The following CCDC170 variants were observed in gnomAD, a reference collection of about 807,000 sequenced individuals.
CCDC170 encodes the protein coiled-coil domain containing 170, also known as coiled-coil domain-containing protein 170.
A neutral mutation model predicts 72.6 loss-of-function variants in CCDC170; 69 were observed. That is an observed-to-expected ratio of 0.95 (90% CI 0.78 to 1.16). The LOEUF is 1.16. Ranked by LOEUF, CCDC170 falls within the 50% of genes most tolerant of loss-of-function variation. The pLI is 0.00. For missense variants in CCDC170, 852 were observed against 832.5 expected, an observed-to-expected ratio of 1.02 and a Z score of -0.29; for synonymous variants, 300 against 303.9, an observed-to-expected ratio of 0.99 and a Z score of 0.13.
intron 1 of CCDC170, among the ~76,000 whole-genome samples, chr6:151,532,220 T>C (rs1396003580): frequency 6.6e-6 from 1 of 152,116 alleles, no homozygotes. Context: ...ATTTAATATA[T>C]AGGAATAAGT....
chr6:151,595,940 A>G (rs1273730455), intron 8 of CCDC170, among the ~76,000 whole-genome samples: 1 of 152,208 alleles, frequency 6.6e-6, no homozygotes, highest in Non-Finnish European at 1.5e-5. Flanking sequence ...ATTTCAGAAA[A>G]TGCCAGTGCA....
chr6:151,583,395 A>T lies in CCDC170; in HGVS notation c.1093-2494A>T, dbSNP rs749881404. Among the ~76,000 whole-genome samples, 72 of 152,256 alleles carry T rather than the reference A, an allele frequency of 4.7e-4. 1 individual carries two copies. The highest frequency in any genetic ancestry group is 4.1e-4 in the South Asian group (2 of 4,830). ...TTTTTGGCCGATCTCAGATTTCAAC[A>T]TGCCTTTCTTACTAAGCTTAGTCAT... On this transcript the variant is annotated intron_variant, in intron 6 of 10. Transcript: ENST00000239374.
At chr6:151,502,644 T>G (rs895435436) in intron 1 of CCDC170, among the ~76,000 whole-genome samples, 1 of 152,194 alleles carries the variant, frequency 6.6e-6, no homozygotes, top group Non-Finnish European at 1.5e-5. Flanking sequence ...ATTGTTGAAA[T>G]CTTATGAATG....
At chr6:151,584,165 G>A (rs1008167520) in intron 6 of CCDC170, among the ~76,000 whole-genome samples, 5 of 152,196 alleles carry the variant, frequency 3.3e-5, no homozygotes, top group East Asian at 3.8e-4. Context: ...AAATATCTGC[G>A]AAGAGCAATA....
At chr6:151,500,654 T>G (rs2115017751) in intron 1 of CCDC170, among the ~76,000 whole-genome samples, 1 of 152,164 alleles carries the variant, frequency 6.6e-6, no homozygotes, top group East Asian at 1.9e-4. Context: ...GCAAAATACT[T>G]TAACACAAGA....
At chr6:151,548,715 T>TTTTA (rs1188089401) in intron 5 of CCDC170, among the ~76,000 whole-genome samples, 1 of 89,556 alleles carries the variant, frequency 1.1e-5, no homozygotes, top group Non-Finnish European at 2.8e-5. Context: ...TTAATTTAAA[T>TTTTA]TTTAATTAAT....
At chr6:151,537,562 T>A (rs1583015610) in intron 2 of CCDC170, among the ~76,000 whole-genome samples, 1 of 152,220 alleles carries the variant, frequency 6.6e-6, no homozygotes, top group East Asian at 1.9e-4. Context: ...AATTTAAATG[T>A]TATTTTTATT....
intron 1 of CCDC170, among the ~76,000 whole-genome samples, chr6:151,519,384 GGTT>G (rs1782285340): frequency 6.6e-6 from 1 of 152,146 alleles, no homozygotes; most frequent in Non-Finnish European, 1.5e-5. Context: ...CAGACCCTAT[GGTT>G]GTCTTCCCTT....
intron 9 of CCDC170, among the ~76,000 whole-genome samples, chr6:151,598,963 A>T (rs1399997270): frequency 6.6e-6 from 1 of 152,196 alleles, no homozygotes; most frequent in Non-Finnish European, 1.5e-5. Context: ...TTTGCTTATA[A>T]GGATACAGGA....
chr6:151,551,382 T>C (rs1782876233), intron 5 of CCDC170, among the ~76,000 whole-genome samples: 1 of 152,190 alleles, frequency 6.6e-6, no homozygotes, highest in African/African-American at 2.4e-5. Context: ...GGATACCATC[T>C]GTGGTGGTTT....
chr6:151,607,203 T>A (rs183832910), intron 9 of CCDC170, among the ~76,000 whole-genome samples: 1 of 152,232 alleles, frequency 6.6e-6, no homozygotes, highest in Admixed American at 6.5e-5. Flanking sequence ...TAAGTGTGGG[T>A]CTACGGGGGT....
intron 5 of CCDC170, among the ~76,000 whole-genome samples, chr6:151,565,239 G>A (rs904407504): frequency 3.9e-5 from 6 of 152,162 alleles, no homozygotes; most frequent in African/African-American, 1.4e-4. Context: ...TCTGGTGGAG[G>A]CTGGCTCTCA....
intron 9 of CCDC170, among the ~76,000 whole-genome samples, chr6:151,613,709 G>T (rs576038059): frequency 4.6e-5 from 7 of 152,242 alleles, no homozygotes; most frequent in Admixed American, 3.9e-4. Flanking sequence ...TCCATTGTAT[G>T]GCTATACCAC....
intron 1 of CCDC170, among the ~76,000 whole-genome samples, chr6:151,505,064 A>C (rs925665058): frequency 5.3e-5 from 8 of 152,098 alleles, no homozygotes; most frequent in African/African-American, 1.9e-4. Context: ...TCAGGTAGAG[A>C]GTAAAAAGTG....
At chr6:151,577,721 G>A (rs955329309) in intron 6 of CCDC170, among the ~76,000 whole-genome samples, 3 of 152,228 alleles carry the variant, frequency 2.0e-5, no homozygotes, top group Non-Finnish European at 4.4e-5. Context: ...GGCTGCACAG[G>A]AGGAGGTGAG....
At chr6:151,568,635 T>G (rs972324661) in intron 5 of CCDC170, among the ~76,000 whole-genome samples, 2 of 152,214 alleles carry the variant, frequency 1.3e-5, no homozygotes, top group Non-Finnish European at 2.9e-5. Flanking sequence ...CTAGAGATAT[T>G]CTTTTCATAA....
At chr6:151,590,309 A>T (rs1032577061) in intron 7 of CCDC170, among the ~76,000 whole-genome samples, 2 of 152,220 alleles carry the variant, frequency 1.3e-5, no homozygotes. Context: ...TATTATTTGA[A>T]TTATAGAAGA....
At chr6:151,606,122 G>A (rs959212083) in intron 9 of CCDC170, among the ~76,000 whole-genome samples, 5 of 152,088 alleles carry the variant, frequency 3.3e-5, no homozygotes, top group South Asian at 4.1e-4. Context: ...GCATGGTCTC[G>A]AACTCCTGAC....
At chr6:151,528,504 A>G (rs529872310) in intron 1 of CCDC170, among the ~76,000 whole-genome samples, 3 of 152,204 alleles carry the variant, frequency 2.0e-5, no homozygotes, top group Admixed American at 2.0e-4. Context: ...TTTAAGAGGG[A>G]ATGTTCTAAT....
Sources: gnomAD v4.1 joint callset for allele counts (sites outside exome capture counted in the v4.1 genomes callset) on GRCh38, gnomAD v4.1.1 for gene constraint, MANE v1.5 for transcripts, NCBI Gene and HGNC (gene_info 2026-07-23, HGNC 2026-07-21) for gene names.